Variants in MTMR9 observed in about 807,000 individuals in gnomAD.
MTMR9 encodes the protein myotubularin related protein 9, also known as myotubularin-related protein 9.
In MTMR9, 39 loss-of-function variants were observed where a neutral mutation model predicts 69.5. The ratio of observed to expected loss-of-function variants is 0.56; its 90% confidence interval spans 0.43 to 0.73. The LOEUF (loss-of-function observed/expected upper bound fraction) is 0.73, where lower values mean the gene tolerates loss of function less well. Ranked by LOEUF, MTMR9 falls within the 30% of genes least tolerant of loss-of-function variation. The pLI, the probability that MTMR9 is intolerant of heterozygous loss-of-function variation, is 0.00. For missense variants in MTMR9, 900 were observed against 671.2 expected, an observed-to-expected ratio of 1.34 and a Z score of -3.77; for synonymous variants, 354 against 240.8, an observed-to-expected ratio of 1.47 and a Z score of -4.35.
chr8:11,331,489 G>T, downstream of MTMR9: 3 of 1,613,862 alleles, frequency 1.9e-6, no homozygotes, highest in East Asian at 2.2e-5. Flanking sequence ...GTGCCCGCTG[G>T]CAACGCTGCC....
At chr8:11,317,747 G>A (rs1304598076) in intron 8 of MTMR9, 2 of 152,230 alleles carry the variant, frequency 1.3e-5, no homozygotes, top group African/African-American at 2.4e-5. Flanking sequence ...GCACCATCAA[G>A]TGTATAGGTT....
intron 1 of MTMR9, among the ~76,000 whole-genome samples, chr8:11,289,462 A>G (rs910682998): frequency 1.3e-5 from 2 of 152,138 alleles, no homozygotes; most frequent in Non-Finnish European, 2.9e-5. Flanking sequence ...GCAAGGTTGT[A>G]TACAAGTTTT....
intron 1 of MTMR9, among the ~76,000 whole-genome samples, chr8:11,288,311 TATATATAATATATATACATAA>T (rs1312852597): frequency 7.1e-6 from 1 of 140,202 alleles, no homozygotes; most frequent in South Asian, 2.1e-4. Flanking sequence ...TTATAATATG[TATATATAATATATATACATAA>T]ATATATAATA....
chr8:11,335,956 A>C, the MTMR9 span, among the ~76,000 whole-genome samples: 115 of 152,340 alleles, frequency 7.5e-4, no homozygotes, highest in African/African-American at 2.5e-3. Flanking sequence ...GGGAGGACAC[A>C]ATTAAACTCA....
intron 2 of MTMR9, 149 bp from the exon 3 acceptor site, chr8:11,299,874 A>G: frequency 1.1e-6 from 1 of 908,118 alleles, no homozygotes; most frequent in East Asian, 2.9e-5. Flanking sequence ...TAAGACTAAA[A>G]TTGTATCTGG....
chr8:11,287,565 T>C (rs1281539281), intron 1 of MTMR9, among the ~76,000 whole-genome samples: 2 of 151,218 alleles, frequency 1.3e-5, no homozygotes, highest in South Asian at 2.1e-4. Flanking sequence ...TCCACGTGCA[T>C]TGTCTGAGCT....
At chr8:11,300,364 A>G (rs1297225959) in intron 3 of MTMR9, 1 of 366,094 alleles carries the variant, frequency 2.7e-6, no homozygotes, top group Non-Finnish European at 4.9e-6. Flanking sequence ...ATCTAGGAAT[A>G]CCCCCAAGTA....
chr8:11,297,319 A>G (rs995644126), intron 2 of MTMR9, among the ~76,000 whole-genome samples: 3 of 152,246 alleles, frequency 2.0e-5, no homozygotes, highest in African/African-American at 7.2e-5. Flanking sequence ...AATTTTACTT[A>G]AGGAAATGAG....
intron 3 of MTMR9, 191 bp downstream of exon 3, chr8:11,300,339 C>T: frequency 2.1e-6 from 1 of 478,818 alleles, no homozygotes; most frequent in African/African-American, 2.0e-5. Flanking sequence ...GATTAATAAT[C>T]AGTAATACTA....
At chr8:11,338,380 CAGT>C in the MTMR9 span, among the ~76,000 whole-genome samples, 1 of 152,152 alleles carries the variant, frequency 6.6e-6, no homozygotes, top group African/African-American at 2.4e-5. Context: ...TTGGGAAGCT[CAGT>C]GGTGGTGACC....
chr8:11,319,848 G>C lies in MTMR9; in HGVS notation c.1486+10G>C, dbSNP rs749737827. On this transcript the variant is annotated intron_variant, in intron 9 of 9. Coordinates refer to ENST00000221086, the MANE Select transcript of MTMR9 (RefSeq NM_015458.4). ...CTTCCACTGTGGGAAGGTAAACCACGCATCCTTTGCAAACTTCTTAACGGT... is the reference window on the plus strand; with the variant it reads ...CTTCCACTGTGGGAAGGTAAACCACCCATCCTTTGCAAACTTCTTAACGGT... The C allele has an allele frequency of 3.7e-6, 6 of 1,613,294 alleles. No homozygotes were observed. In the East Asian group the frequency reaches 6.7e-5, roughly 18 times the overall value.
In MTMR9 at chr8:11,306,177, A is replaced by G; in HGVS notation, c.592-13A>G. On this transcript the variant is annotated splice_polypyrimidine_tract_variant and intron_variant, in intron 4 of 9. Coordinates refer to ENST00000221086, the MANE Select transcript of MTMR9 (RefSeq NM_015458.4). Reference sequence around the variant, plus strand: ...CAACTGCTGTTGAATTTTCAGCTTTATTATGCTTCTAGGTAATTATGCGAA... The same window carrying G: ...CAACTGCTGTTGAATTTTCAGCTTTGTTATGCTTCTAGGTAATTATGCGAA... The G allele has an allele frequency of 6.2e-7, 1 of 1,610,836 alleles. No individual in the cohort carries two copies. The highest frequency in any genetic ancestry group is 8.5e-7 in the Non-Finnish European group (1 of 1,178,964).
At position 11,285,054 on chromosome 8, in the gene MTMR9, G is replaced by C. The variant is rs1799096075; in HGVS notation, c.166G>C (p.Asp56His). The C allele has an allele frequency of 1.9e-6, 3 of 1,606,384 alleles. No individual in the cohort carries two copies. The highest frequency in any genetic ancestry group is 2.6e-6 in the Non-Finnish European group (3 of 1,175,844). ...EELWLLHSNI[D>H]AIDKRFVGSL... ...GCTGTGGCTCCTCCATTCAAACATC[G>C]ACGCCATCGACAAGCGGTGAGTGCC... The change falls in exon 1 of 10, where the codon GAC becomes CAC. Residue 56 changes from aspartate to histidine, a missense_variant. Coordinates refer to ENST00000221086, the MANE Select transcript of MTMR9 (RefSeq NM_015458.4).
At chr8:11,299,446 CA>C (rs1017697484) in intron 2 of MTMR9, among the ~76,000 whole-genome samples, 4 of 152,286 alleles carry the variant, frequency 2.6e-5, no homozygotes, top group Admixed American at 2.6e-4. Context: ...TTATTTCCCC[CA>C]TTTTACAGTT....
chr8:11,306,193 A>G lies in MTMR9; in HGVS notation c.595A>G (p.Ile199Val). Reference protein sequence around the residue: ...SYYHKKNGMVIMRSGQPLTGT... With the variant: ...SYYHKKNGMVVMRSGQPLTGT... ...TTCAGCTTTATTATGCTTCTAGGTA[A>G]TTATGCGAAGTGGTCAGCCACTCAC... Residue 199 changes from isoleucine to valine, a missense_variant, in exon 5 of 10, where the codon ATT becomes GTT. Physicochemically the swap from Ile to Val is conservative, Grantham distance 29. Transcript: ENST00000221086. 1 of 1,612,570 alleles carries G rather than the reference A, an allele frequency of 6.2e-7. No individual in the cohort carries two copies. The highest frequency in any genetic ancestry group is 2.2e-5 in the East Asian group (1 of 44,872).
Position 11,297,798 on chromosome 8 carries a change from T to G in MTMR9, c.292-2225T>G, listed in dbSNP as rs1215983164. On this transcript the variant is annotated intron_variant, in intron 2 of 9. Coordinates refer to ENST00000221086, the MANE Select transcript of MTMR9 (RefSeq NM_015458.4). Reference sequence around the variant, plus strand: ...CTTAGGACTGAAAAGAAGCCGTAAATTATGAGCTCATTTGACCTCAGAAAA... The same window carrying G: ...CTTAGGACTGAAAAGAAGCCGTAAAGTATGAGCTCATTTGACCTCAGAAAA... The G allele has an allele frequency of 1.8e-5, 8 of 451,588 alleles. No homozygotes were observed. The East Asian group carries it at 5.6e-4, about 31-fold the overall frequency. The allele number at this position is 451,588 out of a possible 1,614,324, so 28.0% of individuals were successfully genotyped here. A position where few individuals can be genotyped will look rare whatever the true frequency, so the allele number is the denominator to read the frequency against.
At chr8:11,310,125 G>A (rs759731025) in intron 6 of MTMR9, among the ~76,000 whole-genome samples, 5 of 152,194 alleles carry the variant, frequency 3.3e-5, no homozygotes, top group Admixed American at 1.3e-4. Flanking sequence ...TCTAACCTCC[G>A]GGATATCTTA....
chr8:11,315,059 C>A lies in MTMR9; in HGVS notation c.1108C>A (p.Leu370Met), dbSNP rs143346877. 727 of 1,613,370 alleles carry A rather than the reference C, an allele frequency of 4.5e-4. 1 individual carries two copies. Among genetic ancestry groups the A allele is most frequent in the Non-Finnish European group, 6.0e-4 (710 of 1,179,422 alleles). ...TGAGGCCCTGATTGAAAGAGAGTGG[C>A]TGCAGGTGAGAAGAGCTGTTTGATT... ...GFEALIEREWLQAGHPFQQRC... is the reference protein window; with the variant it reads ...GFEALIEREWMQAGHPFQQRC... The change falls in exon 7 of 10, where the codon CTG (leucine) becomes ATG (methionine). Residue 370 changes from leucine (L) to methionine (M), a missense_variant. Leu to Met is a conservative substitution (Grantham distance 15). Coordinates refer to ENST00000221086, the MANE Select transcript of MTMR9 (RefSeq NM_015458.4).
intron 1 of MTMR9, among the ~76,000 whole-genome samples, chr8:11,294,141 T>C (rs1799467324): frequency 6.6e-6 from 1 of 152,184 alleles, no homozygotes; most frequent in Admixed American, 6.5e-5. Flanking sequence ...TAATTGACAA[T>C]AAAAAGAAAA....
Sources: gnomAD v4.1 joint callset for allele counts (sites outside exome capture counted in the v4.1 genomes callset) on GRCh38, gnomAD v4.1.1 for gene constraint, MANE v1.5 for transcripts, NCBI Gene and HGNC (gene_info 2026-07-23, HGNC 2026-07-21) for gene names.